Variants in SHLD1 observed in about 807,000 individuals in gnomAD.
The protein encoded by SHLD1 is shieldin complex subunit 1.
In SHLD1, 3 loss-of-function variants were observed where a neutral mutation model predicts 5.5. That is an observed-to-expected ratio of 0.54 (90% CI 0.25 to 1.40). The LOEUF is 1.40. Ranked by LOEUF, SHLD1 falls within the 40% of genes most tolerant of loss-of-function variation. The pLI is 0.15. For missense variants in SHLD1, 210 were observed against 244.4 expected (o/e 0.86, Z 0.94); for synonymous variants, 92 against 94.3 (o/e 0.98, Z 0.14).
At chr20:5,861,775 G>A (rs1374299383) in intron 2 of SHLD1, among the ~76,000 whole-genome samples, 1 of 152,162 alleles carries the variant, frequency 6.6e-6, no homozygotes, top group Non-Finnish European at 1.5e-5. Context: ...TCCACCCACT[G>A]TACCATGCAC....
At chr20:5,756,127 A>T (rs1984081546) in intron 1 of SHLD1, among the ~76,000 whole-genome samples, 1 of 151,970 alleles carries the variant, frequency 6.6e-6, no homozygotes, top group Admixed American at 6.6e-5. Flanking sequence ...ATAAGGAGGC[A>T]TCTCTGACCC....
intron 2 of SHLD1, among the ~76,000 whole-genome samples, chr20:5,850,814 G>C (rs1406592081): frequency 2.6e-5 from 4 of 152,086 alleles, no homozygotes; most frequent in African/African-American, 7.2e-5. Context: ...CTGGCGCCCA[G>C]TCCCAGCTTT....
intron 2 of SHLD1, among the ~76,000 whole-genome samples, chr20:5,796,639 C>G: frequency 6.6e-6 from 1 of 151,752 alleles, no homozygotes; most frequent in East Asian, 1.9e-4. Context: ...CCAGCCTGGG[C>G]AACATGGAGA....
intron 2 of SHLD1, among the ~76,000 whole-genome samples, chr20:5,786,311 T>A: frequency 6.6e-6 from 1 of 152,206 alleles, no homozygotes; most frequent in Middle Eastern, 3.2e-3. Context: ...GTGCAGTGGC[T>A]CACCCTTGTG....
chr20:5,832,240 C>T (rs914263434), intron 2 of SHLD1, among the ~76,000 whole-genome samples: 4 of 152,228 alleles, frequency 2.6e-5, no homozygotes, highest in African/African-American at 7.2e-5. Flanking sequence ...TGCGCTGGGC[C>T]TCTCTTCATT....
At chr20:5,763,850 T>G (rs1410271018) in intron 1 of SHLD1, among the ~76,000 whole-genome samples, 1 of 149,998 alleles carries the variant, frequency 6.7e-6, no homozygotes, top group Admixed American at 6.8e-5. Flanking sequence ...GGCTCACGCC[T>G]GTAATCCCAG....
Position 5,764,178 on chromosome 20 carries a change from T to TTTA in SHLD1, c.-4-8683_-4-8682insTAT, listed in dbSNP as rs1568490167. On this transcript the variant is annotated intron_variant, in intron 1 of 2. Coordinates refer to ENST00000303142, the MANE Select transcript of SHLD1 (RefSeq NM_152504.4). ...TATATTTATATATATATATATATTT[T>TTTA]TATATATATATATTTTATATATATA... is the stretch of plus-strand genomic sequence containing the variant. 1.5e-3 allele frequency among the ~76,000 whole-genome samples: 117 copies of TTTA among 77,342 alleles called. 1 individual carries two copies. The highest frequency in any genetic ancestry group is 4.0e-3 in the African/African-American group (82 of 20,450). 50.7% of individuals were successfully genotyped at this position (77,342 alleles called of 152,430 possible).
chr20:5,844,796 TATA>T lies in SHLD1; in HGVS notation c.179-18227_179-18225del, dbSNP rs199764388. Among the ~76,000 whole-genome samples, 406 of 91,850 alleles carry T rather than the reference TATA, an allele frequency of 4.4e-3. 4 individuals carry two copies. Among genetic ancestry groups the T allele is most frequent in the South Asian group, 5.0e-3 (16 of 3,216 alleles). The allele number at this position is 91,850 out of a possible 152,430, so 60.3% of individuals were successfully genotyped here. Reference sequence around the variant, plus strand: ...ATATATATATATATATATATATATATATATTTTTTTTTTTTTGAGACACAGTCT... The same window carrying T: ...ATATATATATATATATATATATATATTTTTTTTTTTTTTGAGACACAGTCT... On this transcript the variant is annotated intron_variant, in intron 2 of 2. Transcript: ENST00000303142.
At chr20:5,773,780 G>A (rs79606265) in intron 2 of SHLD1, among the ~76,000 whole-genome samples, 1,686 of 152,206 alleles carry the variant, frequency 0.011, 6 homozygotes, top group Middle Eastern at 0.024. Context: ...CTCCAGAGTC[G>A]TCTACAAAAT....
rs145284266 is a variant in SHLD1 at position 5,844,512 on chromosome 20, C to T, written c.179-18512C>T. Among the ~76,000 whole-genome samples the T allele has an allele frequency of 9.2e-5, 14 of 152,218 alleles. No individual in the cohort carries two copies. The East Asian group carries it at 2.7e-3, about 29-fold the overall frequency. ...TGGGCTTCTGTGTTTGACACTCCCA[C>T]ACACTGAGGCACCTGCTGTTTCTGC... On this transcript the variant is annotated intron_variant, in intron 2 of 2. Transcript: ENST00000303142.
intron 2 of SHLD1, 198 bp downstream of exon 2, chr20:5,773,241 G>A: frequency 1.4e-6 from 1 of 703,162 alleles, no homozygotes; most frequent in South Asian, 1.5e-5. Flanking sequence ...ATGACAAGGA[G>A]CTGTTTCCTG....
At chr20:5,767,306 A>G (rs901546775) in intron 1 of SHLD1, among the ~76,000 whole-genome samples, 6 of 151,800 alleles carry the variant, frequency 4.0e-5, no homozygotes, top group South Asian at 2.1e-4. Context: ...GCTAACATGT[A>G]TTTTTTAAAT....
intron 2 of SHLD1, among the ~76,000 whole-genome samples, chr20:5,795,878 G>A (rs2087205618): frequency 6.6e-6 from 1 of 151,654 alleles, no homozygotes; most frequent in Non-Finnish European, 1.5e-5. Context: ...CCAGCTACTC[G>A]GGAGGCTGAG....
chr20:5,814,128 T>C (rs1344119422), intron 2 of SHLD1, among the ~76,000 whole-genome samples: 1 of 150,114 alleles, frequency 6.7e-6, no homozygotes, highest in Non-Finnish European at 1.5e-5. Flanking sequence ...AATTTTTGTA[T>C]TTTTTTTTGT....
intron 1 of SHLD1, among the ~76,000 whole-genome samples, chr20:5,763,290 C>CAAAAAAAA (rs57863188): frequency 1.5e-4 from 9 of 58,070 alleles, no homozygotes; most frequent in Non-Finnish European, 2.7e-4. Context: ...AACTCCATCT[C>CAAAAAAAA]AAAAAAAAAA....
At chr20:5,784,501 A>C (rs1401106414) in intron 2 of SHLD1, among the ~76,000 whole-genome samples, 4 of 151,774 alleles carry the variant, frequency 2.6e-5, no homozygotes, top group Non-Finnish European at 5.9e-5. Flanking sequence ...TCCAGGCTGG[A>C]GTGCAGTGGC....
At chr20:5,807,565 G>A (rs2087397295) in intron 2 of SHLD1, among the ~76,000 whole-genome samples, 1 of 152,020 alleles carries the variant, frequency 6.6e-6, no homozygotes, top group Non-Finnish European at 1.5e-5. Context: ...TAGAGTTGAG[G>A]TCTCGTCATG....
rs998115457 is a variant in SHLD1, at chr20:5,784,607, C to G, written c.178+11564C>G. Among the ~76,000 whole-genome samples the G allele has an allele frequency of 3.9e-5, 6 of 151,980 alleles. No individual in the cohort carries two copies. The South Asian group carries it at 1.0e-3, about 26-fold the overall frequency. ...CTGGGACTACAGGCGCCCGCCACCA[C>G]GCCCGGCTAATTTTTTATATTTTTA... On this transcript the variant is annotated intron_variant, in intron 2 of 2. Transcript: ENST00000303142.
At chr20:5,828,641 C>A (rs1179438866) in intron 2 of SHLD1, among the ~76,000 whole-genome samples, 2 of 152,168 alleles carry the variant, frequency 1.3e-5, no homozygotes, top group African/African-American at 4.8e-5. Flanking sequence ...TCTTTTTCTG[C>A]AATTCTTTTG....
Sources: allele counts gnomAD v4.1 joint callset (sites outside exome capture counted in the v4.1 genomes callset), GRCh38; gene constraint gnomAD v4.1.1; transcripts MANE v1.5; gene names NCBI Gene and HGNC (gene_info 2026-07-23, HGNC 2026-07-21).